Variants in DDX60L observed in about 807,000 individuals in gnomAD.
DDX60L encodes probable ATP-dependent RNA helicase DDX60-like.
A neutral mutation model predicts 211.6 loss-of-function variants in DDX60L; 191 were observed. That is an observed-to-expected ratio of 0.90 (90% CI 0.80 to 1.02). The LOEUF (loss-of-function observed/expected upper bound fraction) is 1.02. Among genes scored for constraint, DDX60L ranks in the 50% least tolerant of loss-of-function variants. DDX60L has a pLI of 0.00. For synonymous variants in DDX60L, 706 were observed against 694.1 expected, an observed-to-expected ratio of 1.02 and a Z score of -0.27; for missense variants, 2,007 against 1,984.1, an observed-to-expected ratio of 1.01 and a Z score of -0.22.
chr4:168,373,372 T>C (rs1042511326), intron 35 of DDX60L, among the ~76,000 whole-genome samples: 2 of 151,960 alleles, frequency 1.3e-5, no homozygotes, highest in African/African-American at 4.8e-5. Context: ...TTTAGAAAAA[T>C]GTGAGCCGCT....
rs1251568302 is a variant in DDX60L at position 168,361,219 on chromosome 4, GAAC to G, written c.4929-11_4929-9del. On this transcript the variant is annotated splice_polypyrimidine_tract_variant and intron_variant, in intron 36 of 37. Coordinates refer to ENST00000682922, the MANE Select transcript of DDX60L (RefSeq NM_001012967.3). ...AGCTGTCCCATACGCATCCTAAAGA[GAAC>G]AACATTTCTTAATTAAAAAGTATAA... 4.5e-6 allele frequency: 7 copies of G among 1,555,882 alleles called. No homozygotes were observed. The Admixed American group carries it at 8.6e-5, about 19-fold the overall frequency.
At chr4:168,379,575 G>A (rs989569724) in intron 31 of DDX60L, 71 bp from the exon 32 acceptor site, 5 of 1,262,384 alleles carry the variant, frequency 4.0e-6, no homozygotes, top group South Asian at 3.1e-5. Context: ...CAGTGTGAGT[G>A]ACTGACAAAT....
rs998436146 is a variant in DDX60L at position 168,456,067 on chromosome 4, A to AT, written c.808_809insA (p.Leu270HisfsTer14). The AT allele has an allele frequency of 2.5e-6, 4 of 1,595,310 alleles. No individual in the cohort carries two copies. In the African/African-American group the frequency reaches 5.4e-5, roughly 22 times the overall value. ...GACACGATGGTACATTCTCAAGGATAGTGAACATGAAGTGACACAGAGAAC... is the reference window on the plus strand; with the variant it reads ...GACACGATGGTACATTCTCAAGGATATGTGAACATGAAGTGACACAGAGAAC... On this transcript the variant is annotated frameshift_variant, in exon 7 of 38. Coordinates refer to ENST00000682922, the MANE Select transcript of DDX60L (RefSeq NM_001012967.3). LOFTEE classifies it high-confidence loss of function.
At chr4:168,371,336 T>C (rs1476444667) in intron 36 of DDX60L, among the ~76,000 whole-genome samples, 1 of 149,786 alleles carries the variant, frequency 6.7e-6, no homozygotes, top group Non-Finnish European at 1.5e-5. Context: ...ATTTTGGTAG[T>C]AGCCCCAAAA....
intron 1 of DDX60L, among the ~76,000 whole-genome samples, chr4:168,473,607 T>G (rs1276544091): frequency 1.3e-5 from 2 of 152,158 alleles, no homozygotes; most frequent in East Asian, 3.9e-4. Flanking sequence ...CAAAGCACAC[T>G]GAAAGGTGGC....
chr4:168,358,056 A>AT lies in DDX60L; in HGVS notation c.*90dup. ...AATTCTGTTTGACTCCAAGACAAACATTTTTTCCATTTCATTGTGTAAGCT... is the reference window on the plus strand; with the variant it reads ...AATTCTGTTTGACTCCAAGACAAACATTTTTTTCCATTTCATTGTGTAAGCT... On this transcript the variant is annotated 3_prime_UTR_variant, in exon 38 of 38. Transcript: ENST00000682922. 8.2e-7 allele frequency: 1 copy of AT among 1,212,666 alleles called. No individual in the cohort carries two copies. Among genetic ancestry groups the AT allele is most frequent in the Non-Finnish European group, 1.2e-6 (1 of 856,014 alleles). 75.1% of individuals were successfully genotyped at this position (1,212,666 alleles called of 1,614,324 possible).
At chr4:168,445,056 C>T (rs1754545584) in intron 9 of DDX60L, among the ~76,000 whole-genome samples, 2 of 98,070 alleles carry the variant, frequency 2.0e-5, no homozygotes, top group African/African-American at 3.8e-5. Context: ...AATAGAGACA[C>T]AAAAAACCCT....
intron 30 of DDX60L, chr4:168,380,892 T>C (rs959845649): frequency 3.3e-5 from 5 of 152,220 alleles, no homozygotes; most frequent in Admixed American, 2.0e-4. Context: ...AAGAACTTAT[T>C]GGGAACTGGA....
chr4:168,379,891 G>T, intron 30 of DDX60L, 61 bp from the exon 31 acceptor site: 4 of 1,170,518 alleles, frequency 3.4e-6, no homozygotes, highest in Non-Finnish European at 5.0e-6. Context: ...ATACTGATAT[G>T]TAATAAATAG....
At position 168,357,015 on chromosome 4, in the gene DDX60L, T is replaced by C. The variant is rs1043776862; in HGVS notation, c.*1132A>G. 2 of 152,224 alleles carry C rather than the reference T, an allele frequency of 1.3e-5. No homozygotes were observed. Among genetic ancestry groups the C allele is most frequent in the African/African-American group, 2.4e-5 (1 of 41,466 alleles). The allele number at this position is 152,224 out of a possible 1,614,324, so 9.4% of individuals were successfully genotyped here. On this transcript the variant is annotated 3_prime_UTR_variant, in exon 38 of 38. Coordinates refer to ENST00000682922, the MANE Select transcript of DDX60L (RefSeq NM_001012967.3). ...TCATTTATCACAGCAAAAACGCACC[T>C]TTAAAGGTTTGTTTTTGTTATGGTT...
chr4:168,380,033 C>A, intron 30 of DDX60L: 2 of 452,856 alleles, frequency 4.4e-6, no homozygotes, highest in Non-Finnish European at 7.8e-6. Flanking sequence ...TCATATAAAG[C>A]AGAACTGTTA....
intron 4 of DDX60L, among the ~76,000 whole-genome samples, chr4:168,468,379 A>G (rs1483605871): frequency 6.6e-6 from 1 of 152,164 alleles, no homozygotes; most frequent in East Asian, 1.9e-4. Context: ...TTAAGAAAGT[A>G]AAAGAGGAAA....
intron 29 of DDX60L, chr4:168,390,296 C>G: frequency 8.9e-7 from 1 of 1,123,542 alleles, no homozygotes; most frequent in Non-Finnish European, 1.1e-6. Flanking sequence ...TTAAGAGAAA[C>G]TTTGCTCTCT....
chr4:168,450,133 C>T (rs1287862771), intron 8 of DDX60L, among the ~76,000 whole-genome samples: 1 of 152,132 alleles, frequency 6.6e-6, no homozygotes, highest in Non-Finnish European at 1.5e-5. Context: ...CAGCTGGAGG[C>T]TACAAGATTC....
Position 168,423,704 on chromosome 4 carries a change from G to GT in DDX60L, c.2000dup (p.Tyr667Ter). Residue 667 changes from tyrosine (Y) to a stop codon, truncating the protein, a stop_gained and frameshift_variant, in exon 15 of 38, where the codon TAC (tyrosine) becomes TAAC (stop). Coordinates refer to ENST00000682922, the MANE Select transcript of DDX60L (RefSeq NM_001012967.3). LOFTEE classifies it high-confidence loss of function. Reference sequence around the variant, plus strand: ...GATGTTCTGCTTCCAAAATTTCTGGGTATCTCTCCAGGAGTGAATGAATCC... The same window carrying GT: ...GATGTTCTGCTTCCAAAATTTCTGGGTTATCTCTCCAGGAGTGAATGAATCC... ...MKRIHSLLER[Y>*]PEILEAEHHQ... 8 of 1,608,100 alleles carry GT rather than the reference G, an allele frequency of 5.0e-6. No homozygotes were observed. The highest frequency in any genetic ancestry group is 6.8e-6 in the Non-Finnish European group (8 of 1,177,406).
At chr4:168,399,201 A>C (rs1746350197) in intron 26 of DDX60L, among the ~76,000 whole-genome samples, 1 of 152,174 alleles carries the variant, frequency 6.6e-6, no homozygotes, top group South Asian at 2.1e-4. Context: ...GGGCTGAAAC[A>C]CACCCCTTGC....
chr4:168,395,385 G>T (rs1745596421), intron 27 of DDX60L, among the ~76,000 whole-genome samples: 1 of 152,160 alleles, frequency 6.6e-6, no homozygotes, highest in African/African-American at 2.4e-5. Context: ...ATGTCTATGT[G>T]ACTGTGGACA....
intron 37 of DDX60L, among the ~76,000 whole-genome samples, chr4:168,358,592 A>T (rs1738560543): frequency 7.4e-6 from 1 of 134,670 alleles, no homozygotes; most frequent in Non-Finnish European, 1.5e-5. Context: ...CAGTGGCGTG[A>T]TCTGATCTCG....
rs1755193906 is a variant in DDX60L, at chr4:168,448,676, T to G, written c.1100A>C (p.Lys367Thr). 1 of 1,589,600 alleles carries G rather than the reference T, an allele frequency of 6.3e-7. No individual in the cohort carries two copies. Among genetic ancestry groups the G allele is most frequent in the Non-Finnish European group, 8.6e-7 (1 of 1,161,182 alleles). The change falls in exon 9 of 38, where the codon AAG becomes ACG. Residue 367 changes from lysine (K) to threonine (T), a missense_variant. Lys to Thr is a moderately conservative substitution (Grantham distance 78). Coordinates refer to ENST00000682922, the MANE Select transcript of DDX60L (RefSeq NM_001012967.3). ...VSDLYDEQLL[K>T]NIAFYYEFES... ...AAATTCATAGTAGAAGGCTATATTC[T>G]TTAACAATTGCTCATCATACAAGTC... is the stretch of plus-strand genomic sequence containing the variant.
Sources: allele counts gnomAD v4.1 joint callset (sites outside exome capture counted in the v4.1 genomes callset), GRCh38; gene constraint gnomAD v4.1.1; transcripts MANE v1.5; gene names NCBI Gene and HGNC (gene_info 2026-07-23, HGNC 2026-07-21).